Variants in SDHAF4 observed in about 807,000 individuals in gnomAD.
The protein encoded by SDHAF4 is succinate dehydrogenase assembly factor 4, mitochondrial.
In SDHAF4, 14 loss-of-function variants were observed where a neutral mutation model predicts 14.3. The observed-to-expected ratio is 0.98, with a 90% CI of 0.65 to 1.53. The LOEUF (loss-of-function observed/expected upper bound fraction) is 1.53, where lower values mean the gene tolerates loss of function less well. SDHAF4 is among the 40% of genes most tolerant of loss of function. The pLI, the probability that SDHAF4 is intolerant of heterozygous loss-of-function variation, is 0.00. For missense variants in SDHAF4, 141 were observed against 129.3 expected, an observed-to-expected ratio of 1.09 and a Z score of -0.44; for synonymous variants, 63 against 47.3, an observed-to-expected ratio of 1.33 and a Z score of -1.36.
chr6:70,573,349 T>C (rs111248246), intron 1 of SDHAF4, among the ~76,000 whole-genome samples: 24,502 of 146,160 alleles, frequency 0.17, 2,102 homozygotes, highest in Middle Eastern at 0.21. Context: ...CTGCAAACTC[T>C]GCCTCCTGGG....
intron 1 of SDHAF4, among the ~76,000 whole-genome samples, chr6:70,568,705 T>G (rs1257133965): frequency 6.6e-6 from 1 of 152,188 alleles, no homozygotes; most frequent in Non-Finnish European, 1.5e-5. Flanking sequence ...ATGTTATAGG[T>G]CTTTTCATTG....
the SDHAF4 span, among the ~76,000 whole-genome samples, chr6:70,598,197 G>A: frequency 5.6e-3 from 856 of 152,106 alleles, 3 homozygotes; most frequent in Non-Finnish European, 8.3e-3. Context: ...GGCTAATATG[G>A]TGAAACCCTG....
intron 1 of SDHAF4, among the ~76,000 whole-genome samples, chr6:70,577,326 C>T (rs1802268898): frequency 6.6e-6 from 1 of 152,114 alleles, no homozygotes; most frequent in Non-Finnish European, 1.5e-5. Context: ...CTGTTTGCTA[C>T]AGAGGTGTAG....
intron 2 of SDHAF4, among the ~76,000 whole-genome samples, chr6:70,584,718 G>C (rs185321024): frequency 6.6e-6 from 1 of 152,290 alleles, no homozygotes; most frequent in African/African-American, 2.4e-5. Flanking sequence ...AAAGAAGAGT[G>C]CTCAAAAGAG....
In SDHAF4 at chr6:70,588,856, T is replaced by TATATATATA. The variant is rs1554183414; in HGVS notation, c.*132_*133insATATATATA. On this transcript the variant is annotated 3_prime_UTR_variant, in exon 3 of 3. Transcript: ENST00000370474. ...TAATGTGTTTAAATATATATATATA[T>TATATATATA]GATGGCTTTGGAAGAAAATATGCTG... The TATATATATA allele has an allele frequency of 3.7e-5, 12 of 324,968 alleles. No individual in the cohort carries two copies. The highest frequency in any genetic ancestry group is 7.3e-5 in the South Asian group (1 of 13,658). The allele number at this position is 324,968 out of a possible 1,614,324, so 20.1% of individuals were successfully genotyped here.
intron 2 of SDHAF4, among the ~76,000 whole-genome samples, chr6:70,584,215 C>T (rs991617554): frequency 6.6e-6 from 1 of 152,110 alleles, no homozygotes; most frequent in African/African-American, 2.4e-5. Flanking sequence ...TGGGGTTTCA[C>T]CATGTTAGCC....
the SDHAF4 span, chr6:70,597,093 A>G: frequency 3.3e-5 from 5 of 152,108 alleles, no homozygotes; most frequent in East Asian, 1.9e-4. Context: ...GTGATTGCCT[A>G]CTACGTGCTG....
chr6:70,568,649 G>T (rs1802136404), intron 1 of SDHAF4, among the ~76,000 whole-genome samples: 3 of 152,198 alleles, frequency 2.0e-5, no homozygotes, highest in Admixed American at 2.0e-4. Context: ...ACACATTCTT[G>T]TGTACCTTAT....
At chr6:70,583,671 G>A (rs1347422086) in intron 2 of SDHAF4, among the ~76,000 whole-genome samples, 1 of 152,106 alleles carries the variant, frequency 6.6e-6, no homozygotes, top group Non-Finnish European at 1.5e-5. Flanking sequence ...AACAGCTGAT[G>A]AGCTAAACAA....
At chr6:70,583,782 C>T (rs1355698857) in intron 2 of SDHAF4, among the ~76,000 whole-genome samples, 3 of 152,178 alleles carry the variant, frequency 2.0e-5, no homozygotes, top group Non-Finnish European at 4.4e-5. Context: ...TCCTGGGCCA[C>T]ATGCAGCCCG....
chr6:70,593,901 G>A (rs894556835), downstream of SDHAF4, among the ~76,000 whole-genome samples: 5 of 152,058 alleles, frequency 3.3e-5, no homozygotes, highest in Admixed American at 1.3e-4. Context: ...CACCATGTTG[G>A]CCAGGCTGGT....
At chr6:70,580,829 G>C (rs1261123806) in intron 2 of SDHAF4, among the ~76,000 whole-genome samples, 2 of 152,122 alleles carry the variant, frequency 1.3e-5, no homozygotes, top group Non-Finnish European at 2.9e-5. Flanking sequence ...GGGACTAAGG[G>C]AGAAGTCATT....
chr6:70,574,436 T>A (rs556449840), intron 1 of SDHAF4, among the ~76,000 whole-genome samples: 16 of 152,290 alleles, frequency 1.1e-4, no homozygotes, highest in African/African-American at 3.8e-4. Flanking sequence ...CAGAGGGGCT[T>A]CTTTTTTTCA....
chr6:70,581,395 G>C (rs982910297), intron 2 of SDHAF4, among the ~76,000 whole-genome samples: 9 of 151,956 alleles, frequency 5.9e-5, no homozygotes, highest in African/African-American at 1.9e-4. Context: ...CGTAAGTCTT[G>C]TATCACTCAA....
chr6:70,587,800 G>A (rs1200782060), intron 2 of SDHAF4, among the ~76,000 whole-genome samples: 1 of 152,162 alleles, frequency 6.6e-6, no homozygotes, highest in Non-Finnish European at 1.5e-5. Context: ...TTGTGATGGG[G>A]ATTCCTACTA....
downstream of SDHAF4, among the ~76,000 whole-genome samples, chr6:70,593,038 T>A (rs1011193015): frequency 1.3e-5 from 2 of 152,254 alleles, no homozygotes; most frequent in African/African-American, 4.8e-5. Context: ...TGCCCCGGGC[T>A]GCCTTGGACC....
At chr6:70,576,637 T>C (rs987332682) in intron 1 of SDHAF4, among the ~76,000 whole-genome samples, 1 of 152,244 alleles carries the variant, frequency 6.6e-6, no homozygotes, top group Non-Finnish European at 1.5e-5. Flanking sequence ...TATGTAGTGA[T>C]GACTAGAATA....
At chr6:70,583,521 C>A (rs1335112420) in intron 2 of SDHAF4, among the ~76,000 whole-genome samples, 1 of 152,182 alleles carries the variant, frequency 6.6e-6, no homozygotes, top group Admixed American at 6.5e-5. Flanking sequence ...TTAACACTTA[C>A]AAGACACAGC....
At chr6:70,575,170 G>C (rs1802237468) in intron 1 of SDHAF4, among the ~76,000 whole-genome samples, 1 of 152,198 alleles carries the variant, frequency 6.6e-6, no homozygotes, top group African/African-American at 2.4e-5. Context: ...TTGAGGTCAG[G>C]AGTTCGATAC....
Sources: allele counts gnomAD v4.1 joint callset (sites outside exome capture counted in the v4.1 genomes callset), GRCh38; gene constraint gnomAD v4.1.1; transcripts MANE v1.5; gene names NCBI Gene and HGNC (gene_info 2026-07-23, HGNC 2026-07-21).